The following PDGFC variants were observed in gnomAD, a reference collection of about 807,000 sequenced individuals.
The protein encoded by PDGFC is platelet derived growth factor C.
PDGFC carries 12 observed loss-of-function variants against 35.5 expected under a neutral mutation model. That is an observed-to-expected ratio of 0.34 (90% CI 0.22 to 0.55). The LOEUF (loss-of-function observed/expected upper bound fraction) is 0.55. Ranked by LOEUF, PDGFC falls within the 20% of genes least tolerant of loss-of-function variation. The pLI is 0.91. For synonymous variants in PDGFC, 159 were observed against 148.8 expected (o/e 1.07, Z -0.50); for missense variants, 322 against 412.4 (o/e 0.78, Z 1.90).
At chr4:156,839,912 CT>C (rs1031081480) in intron 2 of PDGFC, among the ~76,000 whole-genome samples, 29 of 152,256 alleles carry the variant, frequency 1.9e-4, no homozygotes, top group African/African-American at 7.0e-4. Context: ...TTTTTTGCTC[CT>C]GCCCTAGAGA....
chr4:156,826,339 A>G (rs1377301775), intron 2 of PDGFC, among the ~76,000 whole-genome samples: 1 of 151,158 alleles, frequency 6.6e-6, no homozygotes, highest in East Asian at 2.0e-4. Flanking sequence ...AGTAGCTGGG[A>G]TGACAGGCAC....
intron 1 of PDGFC, among the ~76,000 whole-genome samples, chr4:156,851,155 G>A (rs895622009): frequency 6.6e-6 from 1 of 152,166 alleles, no homozygotes; most frequent in African/African-American, 2.4e-5. Context: ...TGCAATACAA[G>A]TTCAGAGCTT....
intron 1 of PDGFC, among the ~76,000 whole-genome samples, chr4:156,880,715 A>G (rs776547328): frequency 2.0e-5 from 3 of 152,220 alleles, no homozygotes; most frequent in Non-Finnish European, 4.4e-5. Context: ...TGAGGGGTTC[A>G]ACAGTGCAGT....
rs144960221 is a variant in PDGFC, at chr4:156,926,447, A to C, written c.118+44339T>G. ...TCCACTCTCTAGCCTCTTCCCTCGG[A>C]CTTCTTCCCTCAGACTTATGTGAGG... On this transcript the variant is annotated intron_variant, in intron 1 of 5. Coordinates refer to ENST00000502773, the MANE Select transcript of PDGFC (RefSeq NM_016205.3). Among the ~76,000 whole-genome samples the C allele has an allele frequency of 2.7e-3, 409 of 152,252 alleles. 3 individuals are homozygous for C. The highest frequency in any genetic ancestry group is 9.5e-3 in the African/African-American group (396 of 41,556).
At chr4:156,915,876 A>G (rs1731146230) in intron 1 of PDGFC, among the ~76,000 whole-genome samples, 1 of 152,106 alleles carries the variant, frequency 6.6e-6, no homozygotes, top group Non-Finnish European at 1.5e-5. Flanking sequence ...ATCCCCAAAG[A>G]ATAGAAGCAA....
intron 1 of PDGFC, among the ~76,000 whole-genome samples, chr4:156,958,771 C>G (rs1370967862): frequency 6.6e-6 from 1 of 152,000 alleles, no homozygotes; most frequent in Non-Finnish European, 1.5e-5. Flanking sequence ...TCATCATACC[C>G]AATTTCAGAG....
chr4:156,874,765 C>T (rs1374391015), intron 1 of PDGFC, among the ~76,000 whole-genome samples: 5 of 150,886 alleles, frequency 3.3e-5, no homozygotes, highest in Admixed American at 6.6e-5. Flanking sequence ...TGCCTAGGTT[C>T]GTGTGCAGTG....
chr4:156,813,215 A>G (rs891708877), intron 2 of PDGFC, among the ~76,000 whole-genome samples: 1 of 152,142 alleles, frequency 6.6e-6, no homozygotes, highest in Admixed American at 6.6e-5. Flanking sequence ...CAAAGTTTCT[A>G]TTCATAAGGA....
In PDGFC at chr4:156,913,093, C is replaced by G. The variant is rs567233012; in HGVS notation, c.118+57693G>C. On this transcript the variant is annotated intron_variant, in intron 1 of 5. Transcript: ENST00000502773. ...CTTAAAAGTTGGTCTCTTGTTACCC[C>G]CTTCTTCTTCAAGGAGTGAATGACA... is the stretch of plus-strand genomic sequence containing the variant. Among the ~76,000 whole-genome samples, 16 of 152,116 alleles carry G rather than the reference C, an allele frequency of 1.1e-4. No homozygotes were observed. In the South Asian group the frequency reaches 2.1e-3, roughly 20 times the overall value.
chr4:156,832,253 C>CTTTTTTTTTTTTTTTTT (rs542396769), intron 2 of PDGFC, among the ~76,000 whole-genome samples: 3 of 121,134 alleles, frequency 2.5e-5, no homozygotes, highest in Non-Finnish European at 5.1e-5. Context: ...TTCTTTCTTT[C>CTTTTTTTTTTTTTTTTT]TTTTTTTTTT....
intron 2 of PDGFC, among the ~76,000 whole-genome samples, chr4:156,843,500 C>T (rs908935510): frequency 6.6e-6 from 1 of 152,194 alleles, no homozygotes; most frequent in Non-Finnish European, 1.5e-5. Flanking sequence ...TCCCCTTCCC[C>T]TTGCCAGCGG....
At chr4:156,826,173 G>GA (rs1560828788) in intron 2 of PDGFC, among the ~76,000 whole-genome samples, 220 of 76,002 alleles carry the variant, frequency 2.9e-3, no homozygotes, top group African/African-American at 0.011. Flanking sequence ...CTTTGAGTTG[G>GA]ATTTTTTTTT....
intron 3 of PDGFC, among the ~76,000 whole-genome samples, chr4:156,789,996 AAAG>A (rs1261257647): frequency 0.021 from 3,026 of 145,288 alleles, 206 homozygotes; most frequent in African/African-American, 0.079. Flanking sequence ...AAAAAAAAAA[AAAG>A]AAAGAATACT....
intron 1 of PDGFC, among the ~76,000 whole-genome samples, chr4:156,951,892 A>G (rs922981886): frequency 5.3e-5 from 8 of 151,948 alleles, no homozygotes; most frequent in Middle Eastern, 6.8e-3. Flanking sequence ...AGAAGTAAAG[A>G]AAGTTCCAGT....
At chr4:156,957,017 G>A (rs1438982079) in intron 1 of PDGFC, among the ~76,000 whole-genome samples, 12 of 151,788 alleles carry the variant, frequency 7.9e-5, no homozygotes, top group African/African-American at 2.7e-4. Flanking sequence ...TGAATCCCTC[G>A]CTTGGTCAAA....
intron 3 of PDGFC, among the ~76,000 whole-genome samples, chr4:156,809,743 G>A (rs1021331607): frequency 1.3e-5 from 2 of 151,262 alleles, no homozygotes; most frequent in African/African-American, 2.4e-5. Context: ...ATATTTATAC[G>A]TTAGCTTTTG....
chr4:156,770,744 ATAT>A (rs1475574100), intron 4 of PDGFC: 1 of 152,128 alleles, frequency 6.6e-6, no homozygotes, highest in Non-Finnish European at 1.5e-5. Flanking sequence ...AATGTCATTA[ATAT>A]TATACGTTTT....
intron 1 of PDGFC, among the ~76,000 whole-genome samples, chr4:156,948,603 G>A (rs1732003337): frequency 6.6e-6 from 1 of 151,942 alleles, no homozygotes; most frequent in Non-Finnish European, 1.5e-5. Context: ...AATTAGCACA[G>A]CATTGTTTCT....
At chr4:156,862,582 T>A (rs1729738742) in intron 1 of PDGFC, among the ~76,000 whole-genome samples, 2 of 152,196 alleles carry the variant, frequency 1.3e-5, no homozygotes, top group African/African-American at 4.8e-5. Flanking sequence ...CAACACACTT[T>A]CAGAGAATGG....
Sources: gnomAD v4.1 joint callset for allele counts (sites outside exome capture counted in the v4.1 genomes callset) on GRCh38, gnomAD v4.1.1 for gene constraint, MANE v1.5 for transcripts, NCBI Gene and HGNC (gene_info 2026-07-23, HGNC 2026-07-21) for gene names.